ENTPD2: variants seen among roughly 807,000 people sequenced by gnomAD.
ENTPD2 encodes the protein ectonucleoside triphosphate diphosphohydrolase 2, also known as CD39 antigen-like 1.
In ENTPD2, 48 loss-of-function variants were observed where a neutral mutation model predicts 46.8. The observed-to-expected ratio is 1.03, with a 90% CI of 0.81 to 1.30. ENTPD2 has a LOEUF of 1.30. Ranked by LOEUF, ENTPD2 falls within the 50% of genes most tolerant of loss-of-function variation. ENTPD2 has a pLI of 0.00. For synonymous variants in ENTPD2, 316 were observed against 286.1 expected (o/e 1.10, Z -1.06); for missense variants, 707 against 651.1 (o/e 1.09, Z -0.93).
chr9:137,050,632 C>T (rs967785019), intron 5 of ENTPD2, 94 bp from the exon 6 acceptor site: 7 of 1,505,996 alleles, frequency 4.6e-6, no homozygotes, highest in Non-Finnish European at 6.2e-6. Context: ...GGCAACTTCA[C>T]TTTTGTGCTC....
At position 137,048,786 on chromosome 9, in the gene ENTPD2, CGGCGGGTCGGCGGGGATCA is replaced by C. The variant is rs772827838; in HGVS notation, c.1340_1358del (p.Leu447ArgfsTer125). 10 of 1,587,060 alleles carry C rather than the reference CGGCGGGTCGGCGGGGATCA, an allele frequency of 6.3e-6. No homozygotes were observed. Among genetic ancestry groups the C allele is most frequent in the Non-Finnish European group, 8.6e-6 (10 of 1,166,146 alleles). On this transcript the variant is annotated frameshift_variant, in exon 9 of 9. Transcript: ENST00000355097. LOFTEE classifies it low-confidence loss of function (END_TRUNC). The stretch of plus-strand genomic sequence containing the variant: ...TGAAGTCTGTGCCCTTGCGCAGCCC[CGGCGGGTCGGCGGGGATCA>C]GGTTGGTCAGGTTCAGCATGTAGCC...
At position 137,048,539 on chromosome 9, in the gene ENTPD2, G is replaced by C. The variant is rs1588552259; in HGVS notation, c.*118C>G. On this transcript the variant is annotated 3_prime_UTR_variant, in exon 9 of 9. Transcript: ENST00000355097. The stretch of plus-strand genomic sequence containing the variant: ...GGGCGGGGAGAGAGGTTGGGAGAGG[G>C]GTGGGTGGAGGGGTGGGGATACAGG... 85 of 752,934 alleles carry C rather than the reference G, an allele frequency of 1.1e-4. No individual in the cohort carries two copies. In the East Asian group the frequency reaches 2.6e-3, roughly 23 times the overall value. The allele number at this position is 752,934 out of a possible 1,614,324, so 46.6% of individuals were successfully genotyped here. A position where few individuals can be genotyped will look rare whatever the true frequency, so the allele number is the denominator to read the frequency against.
chr9:137,049,169 C>T (rs1157565775), intron 7 of ENTPD2, 94 bp from the exon 8 acceptor site: 1 of 1,527,032 alleles, frequency 6.5e-7, no homozygotes, highest in South Asian at 1.2e-5. Flanking sequence ...CACCCCTCCC[C>T]AGACACACAC....
chr9:137,049,813 C>G (rs532341072), intron 7 of ENTPD2, 57 bp downstream of exon 7: 2 of 1,550,490 alleles, frequency 1.3e-6, no homozygotes, highest in Non-Finnish European at 1.7e-6. Context: ...GGGAGGCATG[C>G]GGAGGCGGAG....
chr9:137,049,851 G>T lies in ENTPD2; in HGVS notation c.1149+19C>A. On this transcript the variant is annotated intron_variant, in intron 7 of 8. Transcript: ENST00000355097. The stretch of plus-strand genomic sequence containing the variant: ...TGAGCCCTTCCGCACAGCCCTGAAG[G>T]AGTGGGAGCGGGGCTCACCTGAGCC... 6.2e-7 allele frequency: 1 copy of T among 1,605,046 alleles called. No individual in the cohort carries two copies. The highest frequency in any genetic ancestry group is 1.1e-5 in the South Asian group (1 of 90,022).
Position 137,053,992 on chromosome 9 carries a change from G to T in ENTPD2, c.6C>A (p.Ala2=). Residue 2 remains alanine, a synonymous_variant, in exon 1 of 9, where the codon GCC becomes GCA. Coordinates refer to ENST00000355097, the MANE Select transcript of ENTPD2 (RefSeq NM_203468.3). M[A]GKVRSLLPPL... Reference sequence around the variant, plus strand: ...GCGGCAGCAGTGACCGCACCTTCCCGGCCATGGGCGGGCGGGCGCGCGGGA... The same window carrying T: ...GCGGCAGCAGTGACCGCACCTTCCCTGCCATGGGCGGGCGGGCGCGCGGGA... 8.2e-7 allele frequency: 1 copy of T among 1,215,506 alleles called. No individual in the cohort carries two copies. Among genetic ancestry groups the T allele is most frequent in the Non-Finnish European group, 1.0e-6 (1 of 977,574 alleles). 75.3% of individuals were successfully genotyped at this position (1,215,506 alleles called of 1,614,324 possible).
In ENTPD2 at chr9:137,049,374, A is replaced by G. The variant is rs1287618164; in HGVS notation, c.1150-299T>C. The G allele has an allele frequency of 7.9e-6, 5 of 635,912 alleles. No homozygotes were observed. In the East Asian group the frequency reaches 9.2e-5, roughly 12 times the overall value. The allele number at this position is 635,912 out of a possible 1,614,324, so 39.4% of individuals were successfully genotyped here. On this transcript the variant is annotated intron_variant, in intron 7 of 8. Coordinates refer to ENST00000355097, the MANE Select transcript of ENTPD2 (RefSeq NM_203468.3). ...CAACACCTTGGTGTGTGGCCAGGGG[A>G]ACAGGACGAGCTCCAGGCCTGAGTC...
chr9:137,049,929 C>T lies in ENTPD2; in HGVS notation c.1090G>A (p.Ala364Thr). 6.2e-7 allele frequency: 1 copy of T among 1,612,556 alleles called. No individual in the cohort carries two copies. The change falls in exon 7 of 9, where the codon GCC becomes ACC. Residue 364 changes from alanine (A) to threonine (T), a missense_variant. Ala to Thr is a moderately conservative substitution (Grantham distance 58). Coordinates refer to ENST00000355097, the MANE Select transcript of ENTPD2 (RefSeq NM_203468.3). ...GCTGCCTCCAGCTGCTGCAGGGTGG[C>T]CACGGGCAGCCCCATCGAAGTCCGC... is the stretch of plus-strand genomic sequence containing the variant. ...FLRTSMGLPV[A>T]TLQQLEAAAV... is the part of the protein sequence containing the mutation.
intron 1 of ENTPD2, chr9:137,052,557 T>G: frequency 7.6e-5 from 35 of 460,446 alleles, no homozygotes; most frequent in East Asian, 1.4e-4. Flanking sequence ...GAGGTGACTC[T>G]TCCCTCCTGA....
intron 7 of ENTPD2, 117 bp from the exon 8 acceptor site, chr9:137,049,192 G>A: frequency 6.7e-7 from 1 of 1,487,098 alleles, no homozygotes; most frequent in South Asian, 1.2e-5. Context: ...GCCGTGCGAG[G>A]CCAGAGACCA....
At position 137,048,770 on chromosome 9, in the gene ENTPD2, T is replaced by G; in HGVS notation, c.1375A>C (p.Thr459Pro). 6.3e-7 allele frequency: 1 copy of G among 1,599,142 alleles called. No homozygotes were observed. Among genetic ancestry groups the G allele is most frequent in the Non-Finnish European group, 8.5e-7 (1 of 1,172,788 alleles). Residue 459 changes from threonine (T) to proline (P), a missense_variant, in exon 9 of 9, where the codon ACA (threonine) becomes CCA (proline). Thr to Pro is a conservative substitution (Grantham distance 38). Transcript: ENST00000355097. ...AGGACGACCCAGGAGCTGAAGTCTG[T>G]GCCCTTGCGCAGCCCCGGCGGGTCG... is the stretch of plus-strand genomic sequence containing the variant. ...PADPPGLRKG[T>P]DFSSWVVLLL... is the part of the protein sequence containing the mutation.
At position 137,052,275 on chromosome 9, in the gene ENTPD2, T is replaced by A. The variant is rs1832313118; in HGVS notation, c.191A>T (p.Asn64Ile). 1 of 1,612,528 alleles carries A rather than the reference T, an allele frequency of 6.2e-7. No individual in the cohort carries two copies. The highest frequency in any genetic ancestry group is 1.3e-5 in the African/African-American group (1 of 74,834). ...GTGCTGGCCCACAATGCCTGTGTCGTTCTCCTTGTCTGCCGGCCACTTGTA... is the reference window on the plus strand; with the variant it reads ...GTGCTGGCCCACAATGCCTGTGTCGATCTCCTTGTCTGCCGGCCACTTGTA... ...FIYKWPADKE[N>I]DTGIVGQHSS... The change falls in exon 2 of 9, where the codon AAC becomes ATC. Residue 64 changes from asparagine (N) to isoleucine (I), a missense_variant. Coordinates refer to ENST00000355097, the MANE Select transcript of ENTPD2 (RefSeq NM_203468.3).
chr9:137,049,162 C>G (rs914494484), intron 7 of ENTPD2, 87 bp from the exon 8 acceptor site: 1 of 1,531,026 alleles, frequency 6.5e-7, no homozygotes, highest in African/African-American at 1.4e-5. Context: ...CGTGCTTCAC[C>G]CCTCCCCAGA....
chr9:137,052,350 TGCGGGGGAGG>T lies in ENTPD2; in HGVS notation c.118-12_118-3del. 1.7e-5 allele frequency: 12 copies of T among 691,176 alleles called. No individual in the cohort carries two copies. Among genetic ancestry groups the T allele is most frequent in the Non-Finnish European group, 2.8e-5 (12 of 427,036 alleles). The allele number at this position is 691,176 out of a possible 1,614,324, so 42.8% of individuals were successfully genotyped here. ...ACCAGCGTCCAGGACGATGCCATAC[TGCGGGGGAGG>T]GGGAGGGAGTCAGCCTGGGGTGTCC... On this transcript the variant is annotated splice_polypyrimidine_tract_variant and splice_region_variant and intron_variant, in intron 1 of 8. Coordinates refer to ENST00000355097, the MANE Select transcript of ENTPD2 (RefSeq NM_203468.3).
rs111660431 is a variant in ENTPD2, at chr9:137,049,769, C to T, written c.1149+101G>A. ...ATGCCTGCCATCGCCCCCACTGCAG[C>T]GGGTGCTCCGAGAGGCCTGTCCATG... On this transcript the variant is annotated intron_variant, in intron 7 of 8. Transcript: ENST00000355097. The T allele has an allele frequency of 1.0e-3, 1,372 of 1,339,768 alleles. 15 individuals carry two copies. The African/African-American group carries it at 0.018, about 18-fold the overall frequency. The allele number at this position is 1,339,768 out of a possible 1,614,324, so 83.0% of individuals were successfully genotyped here. A position where few individuals can be genotyped will look rare whatever the true frequency, so the allele number is the denominator to read the frequency against.
Position 137,053,997 on chromosome 9 carries a change from T to TGGGC in ENTPD2, c.-4_-1dup, listed in dbSNP as rs1274785475. On this transcript the variant is annotated 5_prime_UTR_variant, in exon 1 of 9. Transcript: ENST00000355097. ...AGCAGTGACCGCACCTTCCCGGCCA[T>TGGGC]GGGCGGGCGGGCGCGCGGGAGGACG... 3.3e-6 allele frequency: 4 copies of TGGGC among 1,197,444 alleles called. No homozygotes were observed. The highest frequency in any genetic ancestry group is 8.3e-5 in the South Asian group (2 of 24,068). The allele number at this position is 1,197,444 out of a possible 1,614,324, so 74.2% of individuals were successfully genotyped here. A position where few individuals can be genotyped will look rare whatever the true frequency, so the allele number is the denominator to read the frequency against.
At position 137,048,846 on chromosome 9, in the gene ENTPD2, T is replaced by A. The variant is rs1381971858; in HGVS notation, c.1299A>T (p.Ala433=). 1 of 1,546,228 alleles carries A rather than the reference T, an allele frequency of 6.5e-7. No homozygotes were observed. The highest frequency in any genetic ancestry group is 8.7e-7 in the Non-Finnish European group (1 of 1,147,848). The part of the protein sequence containing the change: ...VIFQKKAADT[A]VGWALGYMLN... ...GCATGTAGCCGAGCGCCCAGCCCAC[T>A]GCAGTGTCCGCGGCCTGCGGGGAAG... The change falls in exon 9 of 9, where the codon GCA becomes GCT. Residue 433 remains alanine (A), a synonymous_variant. Transcript: ENST00000355097.
At chr9:137,050,049 C>T (rs372920101) in intron 6 of ENTPD2, 60 bp from the exon 7 acceptor site, 5 of 1,543,814 alleles carry the variant, frequency 3.2e-6, no homozygotes, top group East Asian at 4.9e-5. Flanking sequence ...CCTGCTGCCA[C>T]CCGCCTGTCC....
At chr9:137,049,232 C>T (rs755447073) in intron 7 of ENTPD2, 157 bp from the exon 8 acceptor site, 1 of 1,273,422 alleles carries the variant, frequency 7.9e-7, no homozygotes, top group South Asian at 1.3e-5. Context: ...AATGGCAAGA[C>T]CGAGTCCGAG....
Sources: gnomAD v4.1 joint callset for allele counts on GRCh38, gnomAD v4.1.1 for gene constraint, MANE v1.5 for transcripts, NCBI Gene and HGNC (gene_info 2026-07-23, HGNC 2026-07-21) for gene names.